STT3B: variants seen among roughly 807,000 people sequenced by gnomAD.
STT3B encodes STT3 oligosaccharyltransferase complex catalytic subunit B.
A neutral mutation model predicts 96.8 loss-of-function variants in STT3B; 29 were observed. The ratio of observed to expected loss-of-function variants is 0.30; its 90% CI spans 0.22 to 0.41. STT3B has a LOEUF of 0.41. Ranked by LOEUF, STT3B falls within the 10% of genes least tolerant of loss-of-function variation. The pLI is 1.00. For synonymous variants in STT3B, 367 were observed against 360.0 expected (o/e 1.02, Z -0.22); for missense variants, 640 against 1,022.3 (o/e 0.63, Z 5.10).
Position 31,544,021 on chromosome 3 carries a change from A to G in STT3B, c.314+10709A>G, listed in dbSNP as rs571060203. On this transcript the variant is annotated intron_variant, in intron 1 of 15. Transcript: ENST00000295770. ...GTAAAATTCACAAGATGCCATTTTA[A>G]TTGAACTTGAGAAATATATTCTGAT... is the stretch of plus-strand genomic sequence containing the variant. Among the ~76,000 whole-genome samples the G allele has an allele frequency of 5.3e-5, 8 of 152,354 alleles. No homozygotes were observed. The South Asian group carries it at 1.7e-3, about 32-fold the overall frequency.
intron 5 of STT3B, among the ~76,000 whole-genome samples, chr3:31,607,936 A>G (rs955425462): frequency 6.6e-6 from 1 of 152,058 alleles, no homozygotes; most frequent in Non-Finnish European, 1.5e-5. Flanking sequence ...TGTTGCCACA[A>G]AATATTTGGG....
intron 5 of STT3B, among the ~76,000 whole-genome samples, chr3:31,601,718 C>T (rs921557187): frequency 3.9e-5 from 6 of 152,024 alleles, no homozygotes; most frequent in Non-Finnish European, 8.8e-5. Context: ...CTTGTGAATA[C>T]ACCAAAAACC....
At chr3:31,565,654 T>G (rs1355326384) in intron 1 of STT3B, among the ~76,000 whole-genome samples, 2 of 152,204 alleles carry the variant, frequency 1.3e-5, no homozygotes, top group African/African-American at 4.8e-5. Flanking sequence ...TTTGTTTCTT[T>G]GTGATAGTCA....
At chr3:31,634,874 A>G (rs1310542993) in intron 15 of STT3B, among the ~76,000 whole-genome samples, 3 of 152,158 alleles carry the variant, frequency 2.0e-5, no homozygotes, top group African/African-American at 7.2e-5. Context: ...TAAAAATTGT[A>G]CCCTCTGAAG....
intron 4 of STT3B, 106 bp downstream of exon 4, chr3:31,596,969 C>A: frequency 1.2e-6 from 1 of 814,510 alleles, no homozygotes; most frequent in Non-Finnish European, 2.0e-6. Flanking sequence ...TTAATGTAAT[C>A]TTTCATTACT....
intron 1 of STT3B, among the ~76,000 whole-genome samples, chr3:31,534,600 G>A (rs1465371118): frequency 2.6e-5 from 4 of 152,218 alleles, no homozygotes; most frequent in Admixed American, 2.0e-4. Context: ...ATAAGTGTTC[G>A]GGTGGAGGGG....
chr3:31,626,204 ATTGT>A (rs1559392270), intron 13 of STT3B, 77 bp downstream of exon 13: 4 of 1,323,428 alleles, frequency 3.0e-6, no homozygotes, highest in Non-Finnish European at 4.2e-6. Flanking sequence ...TGCTAATTGC[ATTGT>A]ATTTGTTTCA....
chr3:31,591,035 G>A (rs767338574), intron 3 of STT3B, among the ~76,000 whole-genome samples: 5 of 151,990 alleles, frequency 3.3e-5, no homozygotes, highest in African/African-American at 9.7e-5. Context: ...TATGCTCATC[G>A]TTTTTCTTTT....
At chr3:31,554,178 A>G (rs1396611915) in intron 1 of STT3B, among the ~76,000 whole-genome samples, 2 of 152,210 alleles carry the variant, frequency 1.3e-5, no homozygotes, top group Non-Finnish European at 2.9e-5. Flanking sequence ...TTTAAAAATC[A>G]GATTTTAAGA....
intron 14 of STT3B, among the ~76,000 whole-genome samples, chr3:31,631,799 GA>G (rs1699669549): frequency 6.6e-6 from 1 of 151,236 alleles, no homozygotes; most frequent in African/African-American, 2.4e-5. Flanking sequence ...AAAAAAAATG[GA>G]AAAAAAAGTT....
At chr3:31,565,807 A>C (rs950664680) in intron 1 of STT3B, among the ~76,000 whole-genome samples, 3 of 152,178 alleles carry the variant, frequency 2.0e-5, no homozygotes, top group African/African-American at 7.2e-5. Context: ...TATACCAAAG[A>C]ATTGAAATCT....
At chr3:31,605,230 T>G (rs1481532080) in intron 5 of STT3B, among the ~76,000 whole-genome samples, 3 of 152,154 alleles carry the variant, frequency 2.0e-5, no homozygotes, top group Non-Finnish European at 4.4e-5. Flanking sequence ...AAAATAAACT[T>G]TCACTCAACT....
intron 3 of STT3B, among the ~76,000 whole-genome samples, chr3:31,582,313 T>TC (rs1313673245): frequency 6.6e-6 from 1 of 150,852 alleles, no homozygotes; most frequent in Non-Finnish European, 1.5e-5. Context: ...TTTTTTTTTT[T>TC]TGGAGACGGA....
chr3:31,617,200 T>TTTTGAA, intron 7 of STT3B, 125 bp downstream of exon 7: 1 of 696,208 alleles, frequency 1.4e-6, no homozygotes, highest in Non-Finnish European at 2.1e-6. Context: ...TTTTTTTTTT[T>TTTTGAA]TGAATAGTAT....
At chr3:31,605,945 T>TGGTCTCAGATGGAGATGA (rs1216554411) in intron 5 of STT3B, among the ~76,000 whole-genome samples, 1 of 152,186 alleles carries the variant, frequency 6.6e-6, no homozygotes, top group Non-Finnish European at 1.5e-5. Flanking sequence ...TAGGCTGAGA[T>TGGTCTCAGATGGAGATGA]GGTCTCAGAT....
chr3:31,608,960 C>T (rs757110100), intron 5 of STT3B, among the ~76,000 whole-genome samples: 2 of 152,078 alleles, frequency 1.3e-5, no homozygotes, highest in Non-Finnish European at 2.9e-5. Context: ...ACTAAAAATA[C>T]AAAAATTAGC....
At chr3:31,586,472 C>G (rs4128185) in intron 3 of STT3B, among the ~76,000 whole-genome samples, 1 of 151,980 alleles carries the variant, frequency 6.6e-6, no homozygotes, top group Non-Finnish European at 1.5e-5. Flanking sequence ...TTTGCCTACC[C>G]TAAATCACAA....
chr3:31,550,665 A>G (rs891631803), intron 1 of STT3B, among the ~76,000 whole-genome samples: 7 of 152,236 alleles, frequency 4.6e-5, no homozygotes, highest in Non-Finnish European at 1.0e-4. Context: ...AGGCTTGAGC[A>G]TAACTCTCTC....
chr3:31,601,064 TATA>T (rs910163253), intron 5 of STT3B, among the ~76,000 whole-genome samples: 4 of 152,142 alleles, frequency 2.6e-5, no homozygotes, highest in African/African-American at 9.7e-5. Flanking sequence ...ACAATTCTAT[TATA>T]ATAATGTTTT....
Sources: allele counts gnomAD v4.1 joint callset (sites outside exome capture counted in the v4.1 genomes callset), GRCh38; gene constraint gnomAD v4.1.1; transcripts MANE v1.5; gene names NCBI Gene and HGNC (gene_info 2026-07-23, HGNC 2026-07-21).